Variants in PLGLB1 observed in about 807,000 individuals in gnomAD.
PLGLB1 encodes the protein plasminogen like B1, also known as plasminogen-like protein B.
chr2:87,019,245 A>G (rs1028244476), intron 1 of PLGLB1, among the ~76,000 whole-genome samples: 2 of 85,966 alleles, frequency 2.3e-5, no homozygotes, highest in Non-Finnish European at 4.4e-5. Context: ...TGACCTCCTG[A>G]GGGTACACAG....
intron 1 of PLGLB1, among the ~76,000 whole-genome samples, chr2:87,019,868 C>A (rs1682393389): frequency 1.2e-5 from 1 of 81,636 alleles, no homozygotes; most frequent in Non-Finnish European, 2.1e-5. Flanking sequence ...CTCTTATTCA[C>A]CTCTAGGACT....
intron 1 of PLGLB1, among the ~76,000 whole-genome samples, chr2:87,021,120 A>G (rs1274320655): frequency 5.0e-5 from 6 of 120,200 alleles, no homozygotes; most frequent in Admixed American, 1.8e-4. Flanking sequence ...ATGTGTAAAA[A>G]TGTAGCGACC....
rs539246524 is a variant in PLGLB1, at chr2:87,010,605, TTAA to T, written c.*2513_*2515del. On this transcript the variant is annotated 3_prime_UTR_variant, in exon 4 of 4. Coordinates refer to ENST00000355705, the MANE Select transcript of PLGLB1 (RefSeq NM_001032392.4). The stretch of plus-strand genomic sequence containing the variant: ...TATTTGTACATGTTGATGTAACATT[TTAA>T]TAATAATAATTCAGGTCTGCTGGGC... Among the ~76,000 whole-genome samples, 1 of 8,708 alleles carries T rather than the reference TTAA, an allele frequency of 1.1e-4. No homozygotes were observed. The allele number at this position is 8,708 out of a possible 152,430, so 5.7% of individuals were successfully genotyped here.
chr2:87,017,162 T>TA (rs1682351904), intron 2 of PLGLB1, among the ~76,000 whole-genome samples: 1 of 145,426 alleles, frequency 6.9e-6, no homozygotes, highest in Non-Finnish European at 1.6e-5. Flanking sequence ...TTTAACATTA[T>TA]ATCCAGTCAC....
At chr2:87,021,094 A>G (rs1248176850) in intron 1 of PLGLB1, among the ~76,000 whole-genome samples, 1 of 142,426 alleles carries the variant, frequency 7.0e-6, no homozygotes, top group African/African-American at 2.6e-5. Context: ...TCACATTCAC[A>G]CACAGGTATG....
At chr2:87,013,465 A>G (rs1682271845) in intron 3 of PLGLB1, 2 of 160,902 alleles carry the variant, frequency 1.2e-5, no homozygotes, top group Non-Finnish European at 2.4e-5. Context: ...ACAATATAAA[A>G]TGAGATCACT....
At position 87,011,666 on chromosome 2, in the gene PLGLB1, GTTA is replaced by G. The variant is rs1417642049; in HGVS notation, c.*1452_*1454del. ...ATAAAAAAAACCATTTGAGGAAGGTGTTATTATCCCTGTTTTACAGATGAGAAG... is the reference window on the plus strand; with the variant it reads ...ATAAAAAAAACCATTTGAGGAAGGTGTTATCCCTGTTTTACAGATGAGAAG... On this transcript the variant is annotated 3_prime_UTR_variant, in exon 4 of 4. Transcript: ENST00000355705. Among the ~76,000 whole-genome samples, 3 of 75,118 alleles carry G rather than the reference GTTA, an allele frequency of 4.0e-5. No individual in the cohort carries two copies. The highest frequency in any genetic ancestry group is 8.3e-5 in the Non-Finnish European group (3 of 36,108). The allele number at this position is 75,118 out of a possible 152,430, so 49.3% of individuals were successfully genotyped here.
Position 87,010,832 on chromosome 2 carries a change from G to A in PLGLB1, c.*2289C>T, listed in dbSNP as rs1130692. The stretch of plus-strand genomic sequence containing the variant: ...TGAGGTAGGAGAATCGCTTGAACCC[G>A]GAGGCGGAGGTTGTGGTGAGCTGAG... On this transcript the variant is annotated 3_prime_UTR_variant, in exon 4 of 4. Transcript: ENST00000355705. 1.5e-3 allele frequency among the ~76,000 whole-genome samples: 86 copies of A among 58,376 alleles called. 2 individuals are homozygous for A. Among genetic ancestry groups the A allele is most frequent in the South Asian group, 3.9e-3 (6 of 1,556 alleles). 38.3% of individuals were successfully genotyped at this position (58,376 alleles called of 152,430 possible).
Sources: allele counts gnomAD v4.1 joint callset (sites outside exome capture counted in the v4.1 genomes callset), GRCh38; gene constraint gnomAD v4.1.1; transcripts MANE v1.5; gene names NCBI Gene and HGNC (gene_info 2026-07-23, HGNC 2026-07-21).